Variants in MAGI2 observed in about 807,000 individuals in gnomAD.
MAGI2 encodes membrane associated guanylate kinase, WW and PDZ domain containing 2.
A neutral mutation model predicts 133.3 loss-of-function variants in MAGI2; 35 were observed. The observed-to-expected ratio is 0.26, with a 90% CI of 0.20 to 0.35. The LOEUF is 0.35. Ranked by LOEUF, MAGI2 falls within the 10% of genes least tolerant of loss-of-function variation. MAGI2 has a pLI of 1.00. For synonymous variants in MAGI2, 729 were observed against 710.6 expected, an observed-to-expected ratio of 1.03 and a Z score of -0.41; for missense variants, 1,636 against 1,863.4, an observed-to-expected ratio of 0.88 and a Z score of 2.25.
At chr7:78,866,683 C>G (rs1050755191) in intron 2 of MAGI2, among the ~76,000 whole-genome samples, 1 of 151,910 alleles carries the variant, frequency 6.6e-6, no homozygotes, top group African/African-American at 2.4e-5. Context: ...TCCCATTTGC[C>G]TCTCAGCTAA....
intron 1 of MAGI2, among the ~76,000 whole-genome samples, chr7:79,041,200 G>A (rs762687949): frequency 3.3e-5 from 5 of 152,072 alleles, no homozygotes; most frequent in African/African-American, 9.7e-5. Context: ...TTCTAGTCTG[G>A]AATTCAACAG....
chr7:79,294,258 A>G (rs977747265), intron 1 of MAGI2, among the ~76,000 whole-genome samples: 6 of 151,988 alleles, frequency 3.9e-5, no homozygotes, highest in African/African-American at 7.2e-5. Context: ...TTTCTCCTCA[A>G]TTCAGCTAAA....
At chr7:79,058,875 T>C (rs982753745) in intron 1 of MAGI2, among the ~76,000 whole-genome samples, 2 of 152,158 alleles carry the variant, frequency 1.3e-5, no homozygotes, top group Non-Finnish European at 2.9e-5. Context: ...TTTTCCTCTC[T>C]AATCTTTAGT....
At chr7:78,457,092 T>C (rs1192577527) in intron 6 of MAGI2, 1 of 152,220 alleles carries the variant, frequency 6.6e-6, no homozygotes, top group Non-Finnish European at 1.5e-5. Flanking sequence ...ATGAATATCC[T>C]CTTTGCTTTC....
At chr7:78,342,647 C>T (rs1584940489) in intron 9 of MAGI2, among the ~76,000 whole-genome samples, 1 of 152,100 alleles carries the variant, frequency 6.6e-6, no homozygotes, top group Non-Finnish European at 1.5e-5. Context: ...GGATGTGTTC[C>T]TGTCCTTTGC....
intron 10 of MAGI2, among the ~76,000 whole-genome samples, chr7:78,211,419 G>C (rs1338443366): frequency 6.6e-6 from 1 of 152,112 alleles, no homozygotes; most frequent in African/African-American, 2.4e-5. Flanking sequence ...AACTGACTTG[G>C]GTTCTAGTCC....
Position 78,168,034 on chromosome 7 carries a change from C to T in MAGI2, c.2478G>A (p.Val826=), listed in dbSNP as rs1370592426. The T allele has an allele frequency of 6.2e-7, 1 of 1,614,204 alleles. No individual in the cohort carries two copies. Among genetic ancestry groups the T allele is most frequent in the South Asian group, 1.1e-5 (1 of 91,084 alleles). The change falls in exon 15 of 22, where the codon GTG becomes GTA. Residue 826 remains valine, a synonymous_variant. Coordinates refer to ENST00000354212, the MANE Select transcript of MAGI2 (RefSeq NM_012301.4). ...CGGCTACTGGAATCCCATCAACATA[C>T]ACAAGCTCATCTCCTGGGTGAAGGC... The part of the protein sequence containing the change: ...DGRLHPGDEL[V]YVDGIPVAGK...
chr7:78,334,236 A>G (rs1461756842), intron 9 of MAGI2, among the ~76,000 whole-genome samples: 2 of 152,166 alleles, frequency 1.3e-5, no homozygotes, highest in African/African-American at 4.8e-5. Context: ...CATTAACTGG[A>G]AAATCAACAT....
rs189238561 is a variant in MAGI2, at chr7:78,640,667, T to C, written c.419-13428A>G. Among the ~76,000 whole-genome samples the C allele has an allele frequency of 1.0e-3, 158 of 152,358 alleles. 3 individuals are homozygous for C. Among genetic ancestry groups the C allele is most frequent in the Admixed American group, 7.2e-3 (110 of 15,302 alleles). The stretch of plus-strand genomic sequence containing the variant: ...CAGCCCAGCAGCTGACTCAGCATCC[T>C]ACCCCTCACGGGGAGCAACTGGCTG... On this transcript the variant is annotated intron_variant, in intron 2 of 21. Coordinates refer to ENST00000354212, the MANE Select transcript of MAGI2 (RefSeq NM_012301.4).
chr7:78,842,768 A>G (rs1213055826), intron 2 of MAGI2, among the ~76,000 whole-genome samples: 1 of 151,912 alleles, frequency 6.6e-6, no homozygotes, highest in East Asian at 1.9e-4. Flanking sequence ...TTATTTCAGA[A>G]TAAATTTTCA....
chr7:78,720,085 A>T (rs10485915), intron 2 of MAGI2, among the ~76,000 whole-genome samples: 7,964 of 152,192 alleles, frequency 0.052, 365 homozygotes, highest in East Asian at 0.2. Flanking sequence ...GCTAGATAAG[A>T]TTACCTAAAA....
intron 1 of MAGI2, among the ~76,000 whole-genome samples, chr7:79,354,697 AG>A (rs1288083606): frequency 6.6e-6 from 1 of 152,178 alleles, no homozygotes; most frequent in Non-Finnish European, 1.5e-5. Context: ...TAAATCAAGT[AG>A]GGCATTTACC....
At chr7:78,370,327 A>T (rs193192960) in intron 6 of MAGI2, among the ~76,000 whole-genome samples, 1 of 152,182 alleles carries the variant, frequency 6.6e-6, no homozygotes, top group African/African-American at 2.4e-5. Flanking sequence ...ATGTCATTCA[A>T]TGTGAATGTG....
At chr7:79,392,793 A>G (rs1364865251) in intron 1 of MAGI2, among the ~76,000 whole-genome samples, 1 of 152,178 alleles carries the variant, frequency 6.6e-6, no homozygotes, top group African/African-American at 2.4e-5. Context: ...TCCAAATTTA[A>G]AAGGCACCTC....
chr7:78,286,855 G>A (rs1181295283), intron 9 of MAGI2, among the ~76,000 whole-genome samples: 1 of 152,094 alleles, frequency 6.6e-6, no homozygotes, highest in African/African-American at 2.4e-5. Context: ...AATGTTTTCT[G>A]ATAAAGACCA....
intron 2 of MAGI2, among the ~76,000 whole-genome samples, chr7:78,686,193 T>G (rs2151108471): frequency 6.6e-6 from 1 of 152,206 alleles, no homozygotes; most frequent in South Asian, 2.1e-4. Flanking sequence ...TTTTCTTTCA[T>G]TGTCTCCTCT....
At chr7:78,060,286 A>G (rs974394351) in intron 21 of MAGI2, among the ~76,000 whole-genome samples, 2 of 145,662 alleles carry the variant, frequency 1.4e-5, no homozygotes, top group African/African-American at 5.0e-5. Context: ...GTCAGTGAAA[A>G]TTTGGGCCAC....
chr7:79,125,949 T>A (rs1014001196), intron 1 of MAGI2, among the ~76,000 whole-genome samples: 2 of 152,254 alleles, frequency 1.3e-5, no homozygotes, highest in Non-Finnish European at 2.9e-5. Flanking sequence ...AAAGAAGACA[T>A]GTTTTAGAAA....
intron 14 of MAGI2, among the ~76,000 whole-genome samples, chr7:78,174,501 A>T (rs533177967): frequency 6.6e-6 from 1 of 152,314 alleles, no homozygotes; most frequent in South Asian, 2.1e-4. Flanking sequence ...GCATGGTTTC[A>T]TTTTGTTTCA....
Sources: allele counts gnomAD v4.1 joint callset (sites outside exome capture counted in the v4.1 genomes callset), GRCh38; gene constraint gnomAD v4.1.1; transcripts MANE v1.5; gene names NCBI Gene and HGNC (gene_info 2026-07-23, HGNC 2026-07-21).